The following CNTN5 variants were observed in gnomAD, a reference collection of about 807,000 sequenced individuals.
CNTN5 encodes contactin-5.
In CNTN5, 77 loss-of-function variants were observed where a neutral mutation model predicts 129.1. The ratio of observed to expected loss-of-function variants is 0.60; its 90% CI spans 0.50 to 0.72. The LOEUF is 0.72. Among genes scored for constraint, CNTN5 ranks in the 30% least tolerant of loss-of-function variants. CNTN5 has a pLI of 0.00. For synonymous variants in CNTN5, 509 were observed against 465.6 expected (o/e 1.09, Z -1.20); for missense variants, 1,478 against 1,328.8 (o/e 1.11, Z -1.75).
intron 8 of CNTN5, among the ~76,000 whole-genome samples, chr11:99,979,612 T>A (rs1265292771): frequency 6.6e-6 from 1 of 152,188 alleles, no homozygotes; most frequent in East Asian, 1.9e-4. Flanking sequence ...AGATCCTTGC[T>A]CCTATGTCCT....
chr11:99,891,170 G>T (rs1949048852), intron 6 of CNTN5, among the ~76,000 whole-genome samples: 1 of 152,090 alleles, frequency 6.6e-6, no homozygotes, highest in South Asian at 2.1e-4. Context: ...TATAAAATTG[G>T]TTGATTATTG....
chr11:100,287,703 T>A (rs1211544208), intron 18 of CNTN5, among the ~76,000 whole-genome samples: 6 of 152,000 alleles, frequency 3.9e-5, no homozygotes, highest in African/African-American at 1.2e-4. Context: ...CATCAACTAA[T>A]GAGCAAAATA....
intron 8 of CNTN5, among the ~76,000 whole-genome samples, chr11:100,001,255 G>A (rs998740617): frequency 2.0e-5 from 3 of 152,158 alleles, no homozygotes; most frequent in Non-Finnish European, 2.9e-5. Flanking sequence ...CAGAAGAGAC[G>A]AGAGAGAACA....
At chr11:99,477,555 T>C (rs117691413) in intron 2 of CNTN5, among the ~76,000 whole-genome samples, 3,247 of 152,106 alleles carry the variant, frequency 0.021, 54 homozygotes, top group Middle Eastern at 0.065. Flanking sequence ...TATGCGTTTA[T>C]AGACAAACAT....
chr11:99,978,607 G>A (rs563708459), intron 8 of CNTN5, among the ~76,000 whole-genome samples: 1 of 152,314 alleles, frequency 6.6e-6, no homozygotes, highest in Admixed American at 6.5e-5. Context: ...ATTCAGTAGA[G>A]TAACATGCTG....
intron 3 of CNTN5, among the ~76,000 whole-genome samples, chr11:99,795,509 G>T (rs945884305): frequency 6.6e-6 from 1 of 151,964 alleles, no homozygotes; most frequent in African/African-American, 2.4e-5. Flanking sequence ...TTAGTGAGTT[G>T]CCAGATATGT....
intron 7 of CNTN5, among the ~76,000 whole-genome samples, chr11:99,928,693 A>T (rs756155057): frequency 1.2e-4 from 18 of 152,140 alleles, no homozygotes; most frequent in Non-Finnish European, 2.2e-4. Flanking sequence ...TTCTCATCCT[A>T]GGCCTGTGGG....
At chr11:99,847,512 A>G (rs998803269) in intron 6 of CNTN5, among the ~76,000 whole-genome samples, 2 of 152,030 alleles carry the variant, frequency 1.3e-5, no homozygotes, top group African/African-American at 4.8e-5. Flanking sequence ...TCTACTTTCC[A>G]CCAAACTCAG....
At chr11:100,111,005 C>CAAAAA (rs5794036) in intron 13 of CNTN5, among the ~76,000 whole-genome samples, 2 of 147,250 alleles carry the variant, frequency 1.4e-5, no homozygotes, top group Non-Finnish European at 1.5e-5. Context: ...AGTGTTAATG[C>CAAAAA]AAAAAAAAAA....
At chr11:99,680,855 A>T (rs1345534253) in intron 3 of CNTN5, among the ~76,000 whole-genome samples, 1 of 151,922 alleles carries the variant, frequency 6.6e-6, no homozygotes, top group Non-Finnish European at 1.5e-5. Context: ...GATTCTGCTG[A>T]TGTTCTTATG....
Position 100,002,176 on chromosome 11 carries a change from T to A in CNTN5, c.980+40T>A, listed in dbSNP as rs756551817. On this transcript the variant is annotated intron_variant, in intron 9 of 24. Transcript: ENST00000524871. The stretch of plus-strand genomic sequence containing the variant: ...TTCCATAATTAAACACAATTTTTTA[T>A]TAAAATGTGACATATCTTATTTTTG... 1.0e-5 allele frequency: 13 copies of A among 1,280,430 alleles called. No homozygotes were observed. In the South Asian group the frequency reaches 1.8e-4, roughly 18 times the overall value. 79.3% of individuals were successfully genotyped at this position (1,280,430 alleles called of 1,614,324 possible).
At chr11:99,894,963 CA>C (rs1949166850) in intron 6 of CNTN5, among the ~76,000 whole-genome samples, 1 of 152,210 alleles carries the variant, frequency 6.6e-6, no homozygotes, top group African/African-American at 2.4e-5. Flanking sequence ...TTTTTCTTGA[CA>C]TGCCCCAAGC....
At chr11:99,889,135 A>G (rs925403198) in intron 6 of CNTN5, among the ~76,000 whole-genome samples, 1 of 152,194 alleles carries the variant, frequency 6.6e-6, no homozygotes, top group African/African-American at 2.4e-5. Flanking sequence ...ATTATTTAAC[A>G]AATTGAGAGA....
chr11:100,210,172 TACAA>T (rs1565344560), intron 15 of CNTN5, among the ~76,000 whole-genome samples: 2 of 59,376 alleles, frequency 3.4e-5, no homozygotes, highest in Admixed American at 1.8e-4. Context: ...CCTGCCTCTA[TACAA>T]AAAAAAAAAA....
At chr11:99,818,712 T>C (rs547228709) in intron 3 of CNTN5, among the ~76,000 whole-genome samples, 34 of 152,332 alleles carry the variant, frequency 2.2e-4, no homozygotes, top group Non-Finnish European at 4.0e-4. Flanking sequence ...ACTAAACTTA[T>C]TGTTTCTTAT....
chr11:99,829,871 T>G (rs563029063), intron 4 of CNTN5, among the ~76,000 whole-genome samples: 93 of 152,276 alleles, frequency 6.1e-4, no homozygotes, highest in African/African-American at 2.1e-3. Context: ...ATATATGCTT[T>G]CGGGGGACAT....
chr11:99,403,037 T>C (rs11822947), intron 2 of CNTN5, among the ~76,000 whole-genome samples: 111,476 of 148,912 alleles, frequency 0.75, 42,704 homozygotes, highest in African/African-American at 0.9. Context: ...GATGGAGTCT[T>C]GCTCTGTCAC....
At chr11:99,775,334 C>T (rs894787424) in intron 3 of CNTN5, among the ~76,000 whole-genome samples, 2 of 142,514 alleles carry the variant, frequency 1.4e-5, no homozygotes, top group African/African-American at 5.2e-5. Flanking sequence ...GATATAAAAC[C>T]TCTGAGATGC....
intron 2 of CNTN5, among the ~76,000 whole-genome samples, chr11:99,494,170 C>T (rs540603971): frequency 7.9e-5 from 12 of 152,232 alleles, no homozygotes; most frequent in Admixed American, 2.0e-4. Flanking sequence ...GAACTCACTC[C>T]GTAGTAATCG....
Sources: allele counts gnomAD v4.1 joint callset (sites outside exome capture counted in the v4.1 genomes callset), GRCh38; gene constraint gnomAD v4.1.1; transcripts MANE v1.5; gene names NCBI Gene and HGNC (gene_info 2026-07-23, HGNC 2026-07-21).